USP2: variants seen among roughly 807,000 people sequenced by gnomAD.
USP2 encodes the protein ubiquitin specific peptidase 2, also known as ubiquitin carboxyl-terminal hydrolase 2.
USP2 carries 33 observed loss-of-function variants against 72.0 expected under a neutral mutation model. The ratio of observed to expected loss-of-function variants is 0.46; its 90% confidence interval spans 0.35 to 0.61. The LOEUF is 0.61. Ranked by LOEUF, USP2 falls within the 20% of genes least tolerant of loss-of-function variation. USP2 has a pLI of 0.01. For missense variants in USP2, 691 were observed against 797.8 expected (o/e 0.87, Z 1.61); for synonymous variants, 296 against 312.5 (o/e 0.95, Z 0.56).
At chr11:119,374,088 G>A (rs1475593973) in intron 1 of USP2, among the ~76,000 whole-genome samples, 1 of 152,204 alleles carries the variant, frequency 6.6e-6, no homozygotes, top group South Asian at 2.1e-4. Flanking sequence ...AATGGGGTGT[G>A]GGTGGGCAGG....
intron 1 of USP2, among the ~76,000 whole-genome samples, chr11:119,374,864 G>A (rs760221139): frequency 5.9e-5 from 9 of 152,154 alleles, no homozygotes; most frequent in Non-Finnish European, 1.2e-4. Context: ...ACCTCTCTGA[G>A]CCCCAACTTC....
chr11:119,374,133 C>T (rs1950971106), intron 1 of USP2, among the ~76,000 whole-genome samples: 1 of 152,166 alleles, frequency 6.6e-6, no homozygotes. Context: ...AATGAGGGGC[C>T]AGAACGTGGT....
chr11:119,364,302 G>A, intron 2 of USP2: 4 of 566,330 alleles, frequency 7.1e-6, no homozygotes, highest in Non-Finnish European at 9.0e-6. Flanking sequence ...CCCCGCCCCC[G>A]GCGCCGGCAC....
chr11:119,360,665 T>C (rs1950749652), intron 2 of USP2, among the ~76,000 whole-genome samples: 1 of 152,208 alleles, frequency 6.6e-6, no homozygotes, highest in African/African-American at 2.4e-5. Flanking sequence ...CCTCAGGTGA[T>C]CCACCTGCCT....
chr11:119,359,290 C>T lies in USP2; in HGVS notation c.1002G>A (p.Val334=), dbSNP rs200242839. Residue 334 remains valine (V), a synonymous_variant, in exon 5 of 13, where the codon GTG becomes GTA. Transcript: ENST00000260187. ...TCTGGGTCTTGAACTCAGATGGGCT[C>T]ACCACATCATTGGGGGATGAAGTCC... The part of the protein sequence containing the change: ...TIWTSSPNDV[V]SPSEFKTQIQ... 1 of 1,614,004 alleles carries T rather than the reference C, an allele frequency of 6.2e-7. No homozygotes were observed. Among genetic ancestry groups the T allele is most frequent in the Non-Finnish European group, 8.5e-7 (1 of 1,180,020 alleles).
chr11:119,368,412 C>T (rs1950883113), intron 2 of USP2, among the ~76,000 whole-genome samples: 1 of 152,224 alleles, frequency 6.6e-6, no homozygotes, highest in Non-Finnish European at 1.5e-5. Context: ...TACTTCTCAC[C>T]TAGGAGCTCC....
chr11:119,372,570 G>A (rs938858076), intron 2 of USP2, 137 bp downstream of exon 2: 18 of 929,940 alleles, frequency 1.9e-5, no homozygotes, highest in Non-Finnish European at 2.3e-5. Flanking sequence ...GATGTGCCAG[G>A]ATGACTTCTC....
At chr11:119,380,185 G>A (rs974812371) in intron 1 of USP2, among the ~76,000 whole-genome samples, 1 of 151,926 alleles carries the variant, frequency 6.6e-6, no homozygotes, top group Non-Finnish European at 1.5e-5. Flanking sequence ...AAAGTGCTGG[G>A]ATTACTGCAC....
chr11:119,356,936 G>C lies in USP2; in HGVS notation c.1731-14C>G, dbSNP rs1471767830. 5 of 1,552,926 alleles carry C rather than the reference G, an allele frequency of 3.2e-6. No homozygotes were observed. The highest frequency in any genetic ancestry group is 1.2e-5 in the South Asian group (1 of 84,254). ...ATGGGAGTGACGCTGCGGAGAGAGCGGGGAGTCAGCCCGGAGCGGGCAGGA... is the reference window on the plus strand; with the variant it reads ...ATGGGAGTGACGCTGCGGAGAGAGCCGGGAGTCAGCCCGGAGCGGGCAGGA... On this transcript the variant is annotated splice_polypyrimidine_tract_variant and intron_variant, in intron 12 of 12. Transcript: ENST00000260187.
At chr11:119,377,614 G>A (rs1951017855) in intron 1 of USP2, among the ~76,000 whole-genome samples, 1 of 152,170 alleles carries the variant, frequency 6.6e-6, no homozygotes, top group Non-Finnish European at 1.5e-5. Context: ...CCAGCTCGGG[G>A]CCTTGGGTCC....
intron 1 of USP2, chr11:119,376,160 C>G: frequency 1.0e-6 from 1 of 985,138 alleles, no homozygotes; most frequent in South Asian, 4.7e-5. Flanking sequence ...CCCAGTTTCA[C>G]TCTCAAAGGT....
intron 1 of USP2, chr11:119,376,421 C>G (rs1292606207): frequency 1.0e-6 from 1 of 985,226 alleles, no homozygotes; most frequent in Non-Finnish European, 1.2e-6. Flanking sequence ...TGGCTGGGAT[C>G]CCCCATACCC....
intron 2 of USP2, chr11:119,363,960 G>T: frequency 2.2e-6 from 2 of 903,220 alleles, no homozygotes; most frequent in Non-Finnish European, 2.7e-6. Flanking sequence ...CGGCGGGGGG[G>T]TCCTCGGGCA....
Position 119,372,721 on chromosome 11 carries a change from C to T in USP2, c.760G>A (p.Gly254Arg). ...GGTAAACTCACCATGCCGTCTCTTCCCGGGGAGCTGGAGCGGCTGGGCCCA... is the reference window on the plus strand; with the variant it reads ...GGTAAACTCACCATGCCGTCTCTTCTCGGGGAGCTGGAGCGGCTGGGCCCA... ...APGPSRSSSP[G>R]RDGMNSKSAQ... Residue 254 changes from glycine to arginine, a missense_variant, in exon 2 of 13, where the codon GGA (glycine) becomes AGA (arginine). Coordinates refer to ENST00000260187, the MANE Select transcript of USP2 (RefSeq NM_004205.5). 6.6e-7 allele frequency: 1 copy of T among 1,522,306 alleles called. No homozygotes were observed. Among genetic ancestry groups the T allele is most frequent in the Non-Finnish European group, 8.8e-7 (1 of 1,138,656 alleles). The allele number at this position is 1,522,306 out of a possible 1,614,324, so 94.3% of individuals were successfully genotyped here.
chr11:119,375,363 T>A (rs1292064169), intron 1 of USP2, among the ~76,000 whole-genome samples: 1 of 151,946 alleles, frequency 6.6e-6, no homozygotes, highest in Non-Finnish European at 1.5e-5. Context: ...ACTCCAGCAG[T>A]TTTCAGTCCA....
At chr11:119,358,339 TG>T (rs1950707543) in intron 7 of USP2, 87 bp from the exon 8 acceptor site, 2 of 1,279,942 alleles carry the variant, frequency 1.6e-6, no homozygotes, top group South Asian at 2.5e-5. Context: ...TTTTTTGAGA[TG>T]GAGTTTTGCT....
chr11:119,368,596 C>T (rs1406786414), intron 2 of USP2, among the ~76,000 whole-genome samples: 4 of 152,214 alleles, frequency 2.6e-5, no homozygotes, highest in African/African-American at 7.2e-5. Context: ...AGTCAGCAGC[C>T]CCAGTGGCAA....
Position 119,359,716 on chromosome 11 carries a change from G to A in USP2, c.826-56C>T, listed in dbSNP as rs1405185837. 27 of 1,595,380 alleles carry A rather than the reference G, an allele frequency of 1.7e-5. No homozygotes were observed. In the South Asian group the frequency reaches 2.7e-4, roughly 16 times the overall value. ...AGACGAGAGTCCCACCTTCACCTGTGTTACTTACTACCAGAGGCTCTCTGG... is the reference window on the plus strand; with the variant it reads ...AGACGAGAGTCCCACCTTCACCTGTATTACTTACTACCAGAGGCTCTCTGG... On this transcript the variant is annotated intron_variant, in intron 3 of 12. Coordinates refer to ENST00000260187, the MANE Select transcript of USP2 (RefSeq NM_004205.5).
Position 119,359,537 on chromosome 11 carries a change from C to CTTCCACGAGGGCTG in USP2, c.935_948dup (p.Glu317GlnfsTer10). ...GGGCACATGACAGAGGGCCTCTCAC[C>CTTCCACGAGGGCTG]TTCCACGAGGGCTGTGTGTGCATTG... On this transcript the variant is annotated frameshift_variant and splice_region_variant, in exon 4 of 13. Transcript: ENST00000260187. LOFTEE classifies it high-confidence loss of function. 1 of 1,613,820 alleles carries CTTCCACGAGGGCTG rather than the reference C, an allele frequency of 6.2e-7. No homozygotes were observed.
Sources: allele counts gnomAD v4.1 joint callset (sites outside exome capture counted in the v4.1 genomes callset), GRCh38; gene constraint gnomAD v4.1.1; transcripts MANE v1.5; gene names NCBI Gene and HGNC (gene_info 2026-07-23, HGNC 2026-07-21).